Variants in CRACDL observed in about 807,000 individuals in gnomAD.
CRACDL encodes CRACD-like protein.
Under a neutral mutation model 70.6 loss-of-function variants are expected in CRACDL, and 26 were observed. That is an observed-to-expected ratio of 0.37 (90% CI 0.27 to 0.51). The LOEUF (loss-of-function observed/expected upper bound fraction) is 0.51, where lower values mean the gene tolerates loss of function less well. Among genes scored for constraint, CRACDL ranks in the 20% least tolerant of loss-of-function variants. The pLI, the probability that CRACDL is intolerant of heterozygous loss-of-function variation, is 0.94. For missense variants in CRACDL, 1,283 were observed against 1,376.9 expected (o/e 0.93, Z 1.08); for synonymous variants, 618 against 615.2 (o/e 1.00, Z -0.07).
chr2:98,805,305 C>G (rs191923089), intron 7 of CRACDL, among the ~76,000 whole-genome samples: 6 of 152,168 alleles, frequency 3.9e-5, no homozygotes, highest in Admixed American at 1.3e-4. Context: ...CAAAACCCCC[C>G]CTAAGACAGG....
chr2:98,895,369 A>G (rs912295222), intron 1 of CRACDL, among the ~76,000 whole-genome samples: 3 of 152,194 alleles, frequency 2.0e-5, no homozygotes, highest in Non-Finnish European at 2.9e-5. Flanking sequence ...ACGGACGCTC[A>G]GCTTGGAAGA....
intron 7 of CRACDL, among the ~76,000 whole-genome samples, chr2:98,799,731 G>A (rs1012677776): frequency 6.6e-6 from 1 of 152,058 alleles, no homozygotes; most frequent in Non-Finnish European, 1.5e-5. Context: ...AACCAGCCAC[G>A]AGTTGACACC....
chr2:98,804,702 T>C (rs1315462919), intron 7 of CRACDL, among the ~76,000 whole-genome samples: 5 of 152,198 alleles, frequency 3.3e-5, no homozygotes, highest in Non-Finnish European at 7.3e-5. Context: ...TCAGATAAGC[T>C]TCATTCAGGC....
intron 1 of CRACDL, among the ~76,000 whole-genome samples, chr2:98,882,510 G>A (rs1284918505): frequency 1.3e-5 from 2 of 152,224 alleles, no homozygotes; most frequent in African/African-American, 4.8e-5. Flanking sequence ...GAGAGTCTAT[G>A]AAGGAAGGAA....
chr2:98,929,334 G>A (rs1007987926), intron 1 of CRACDL, among the ~76,000 whole-genome samples: 4 of 152,186 alleles, frequency 2.6e-5, no homozygotes, highest in Admixed American at 6.5e-5. Flanking sequence ...GACCTGGTGT[G>A]GCCCCTGTGC....
intron 1 of CRACDL, among the ~76,000 whole-genome samples, chr2:98,880,505 G>A (rs1376271353): frequency 6.6e-6 from 1 of 152,228 alleles, no homozygotes; most frequent in South Asian, 2.1e-4. Context: ...CGCTGCATCA[G>A]TATGGGCACG....
At chr2:98,904,318 T>TGAC (rs763906738) in intron 1 of CRACDL, among the ~76,000 whole-genome samples, 129 of 152,326 alleles carry the variant, frequency 8.5e-4, no homozygotes, top group Non-Finnish European at 1.3e-3. Context: ...AGTTGCCATG[T>TGAC]GACTCTCTGT....
intron 7 of CRACDL, among the ~76,000 whole-genome samples, chr2:98,806,426 C>T (rs1460138702): frequency 1.3e-5 from 2 of 152,246 alleles, no homozygotes; most frequent in Non-Finnish European, 2.9e-5. Flanking sequence ...GACAGCTGCC[C>T]AGCACTTGGC....
chr2:98,833,951 A>C (rs11677678), intron 3 of CRACDL, among the ~76,000 whole-genome samples: 2 of 152,224 alleles, frequency 1.3e-5, no homozygotes, highest in Non-Finnish European at 2.9e-5. Flanking sequence ...GTGTTGGCTA[A>C]TAATGCTTCC....
intron 9 of CRACDL, among the ~76,000 whole-genome samples, chr2:98,795,077 A>ATATATATATATATATATTTTTTTT: frequency 5.1e-5 from 3 of 58,506 alleles, no homozygotes; most frequent in African/African-American, 1.3e-4. Flanking sequence ...ATATATATAT[A>ATATATATATATATATATTTTTTTT]TTTTTTTTTT....
At chr2:98,796,896 T>C (rs983003702) in intron 8 of CRACDL, among the ~76,000 whole-genome samples, 1 of 152,220 alleles carries the variant, frequency 6.6e-6, no homozygotes, top group African/African-American at 2.4e-5. Context: ...AGGTGAGGAA[T>C]GAGGAGCTCC....
chr2:98,808,214 C>T (rs1188988757), intron 7 of CRACDL, among the ~76,000 whole-genome samples: 1 of 152,204 alleles, frequency 6.6e-6, no homozygotes, highest in Non-Finnish European at 1.5e-5. Flanking sequence ...GGAAGCATCA[C>T]CTTAAGCAGA....
At chr2:98,908,223 A>C (rs1006587515) in intron 1 of CRACDL, among the ~76,000 whole-genome samples, 6 of 152,236 alleles carry the variant, frequency 3.9e-5, no homozygotes, top group African/African-American at 1.4e-4. Context: ...GGCAAGCCAC[A>C]AGAACAGAAG....
chr2:98,806,611 C>T (rs1704306850), intron 7 of CRACDL, among the ~76,000 whole-genome samples: 1 of 152,250 alleles, frequency 6.6e-6, no homozygotes, highest in African/African-American at 2.4e-5. Context: ...AGCCTCTCGG[C>T]AGGAGGCAAT....
intron 1 of CRACDL, among the ~76,000 whole-genome samples, chr2:98,913,831 G>A (rs1378918856): frequency 1.3e-5 from 2 of 152,234 alleles, no homozygotes; most frequent in African/African-American, 4.8e-5. Flanking sequence ...GCTAAGCTAT[G>A]TGAGAGCCCT....
At chr2:98,899,720 G>A (rs1489369965) in intron 1 of CRACDL, among the ~76,000 whole-genome samples, 2 of 152,262 alleles carry the variant, frequency 1.3e-5, no homozygotes, top group Admixed American at 6.5e-5. Flanking sequence ...CGAGGCTGGC[G>A]CTGTTAAGAA....
At chr2:98,924,218 C>A (rs1708863628) in intron 1 of CRACDL, among the ~76,000 whole-genome samples, 1 of 152,158 alleles carries the variant, frequency 6.6e-6, no homozygotes, top group Admixed American at 6.5e-5. Context: ...GACCACTGAC[C>A]AAGTGCAAGT....
At chr2:98,887,432 G>A (rs1388412529) in intron 1 of CRACDL, among the ~76,000 whole-genome samples, 1 of 152,098 alleles carries the variant, frequency 6.6e-6, no homozygotes, top group Non-Finnish European at 1.5e-5. Flanking sequence ...AGGCTGCAAT[G>A]AGCCATGATC....
chr2:98,868,349 A>G (rs547120559), intron 1 of CRACDL, among the ~76,000 whole-genome samples: 16 of 146,476 alleles, frequency 1.1e-4, no homozygotes, highest in African/African-American at 4.2e-4. Context: ...ATGTGCGGAT[A>G]TAACCATCAC....
Sources: allele counts gnomAD v4.1 joint callset (sites outside exome capture counted in the v4.1 genomes callset), GRCh38; gene constraint gnomAD v4.1.1; transcripts MANE v1.5; gene names NCBI Gene and HGNC (gene_info 2026-07-23, HGNC 2026-07-21).